Variants in TDRD1 observed in about 807,000 individuals in gnomAD.
TDRD1 encodes the protein tudor domain-containing protein 1.
Under a neutral mutation model 140.6 loss-of-function variants are expected in TDRD1, and 37 were observed. The ratio of observed to expected loss-of-function variants is 0.26; its 90% CI spans 0.20 to 0.35. The LOEUF (loss-of-function observed/expected upper bound fraction) is 0.35, where lower values mean the gene tolerates loss of function less well. Among genes scored for constraint, TDRD1 ranks in the 10% least tolerant of loss-of-function variants. The pLI is 1.00. For missense variants in TDRD1, 1,243 were observed against 1,393.0 expected (o/e 0.89, Z 1.71); for synonymous variants, 506 against 475.7 (o/e 1.06, Z -0.83).
At chr10:114,198,065 C>T (rs1290782282) in intron 3 of TDRD1, among the ~76,000 whole-genome samples, 1 of 152,266 alleles carries the variant, frequency 6.6e-6, no homozygotes, top group East Asian at 1.9e-4. Flanking sequence ...CCCTACTCAG[C>T]CTCTGATATT....
exon 22 of TDRD1, chr10:114,226,158 A>G (rs754260943): frequency 1.5e-5 from 25 of 1,614,112 alleles, no homozygotes; most frequent in East Asian, 2.2e-5. Context: ...GCAGAGTGCA[A>G]CCAATCACCT....
chr10:114,201,501 G>A, exon 5 of TDRD1: 2 of 1,607,200 alleles, frequency 1.2e-6, no homozygotes, highest in South Asian at 1.1e-5. Flanking sequence ...TCGTGTGCAG[G>A]CCTGTTCAGC....
exon 22 of TDRD1, chr10:114,226,094 C>T (rs773142576): frequency 6.2e-7 from 1 of 1,614,000 alleles, no homozygotes; most frequent in Non-Finnish European, 8.5e-7. Flanking sequence ...ACATCAGACA[C>T]TGATGTGGAA....
intron 16 of TDRD1, among the ~76,000 whole-genome samples, chr10:114,216,134 A>T (rs1359743353): frequency 6.6e-6 from 1 of 152,242 alleles, no homozygotes; most frequent in Non-Finnish European, 1.5e-5. Context: ...TGTAGTTAGC[A>T]TGTGATCGTG....
At chr10:114,187,973 C>T (rs1199985160) in exon 2 of TDRD1, 1 of 1,614,116 alleles carries the variant, frequency 6.2e-7, no homozygotes, top group Non-Finnish European at 8.5e-7. Flanking sequence ...TGGAACACTT[C>T]CTAACCACCC....
intron 11 of TDRD1, among the ~76,000 whole-genome samples, chr10:114,206,854 G>A (rs1393460215): frequency 6.6e-6 from 1 of 152,100 alleles, no homozygotes; most frequent in East Asian, 1.9e-4. Context: ...ACCTGAGAGT[G>A]ATTCGCCCGC....
chr10:114,211,052 CTT>C lies in TDRD1; in HGVS notation c.1660+87_1660+88del, dbSNP rs374020291. 18 of 1,095,502 alleles carry C rather than the reference CTT, an allele frequency of 1.6e-5. No individual in the cohort carries two copies. The African/African-American group carries it at 2.4e-4, about 14-fold the overall frequency. The allele number at this position is 1,095,502 out of a possible 1,614,324, so 67.9% of individuals were successfully genotyped here. Reference sequence around the variant, plus strand: ...TGAGTAAAAACCATTGAAACAGAGTCTTTGGTTTGCACTGATGGCTGGATTTA... The same window carrying C: ...TGAGTAAAAACCATTGAAACAGAGTCTGGTTTGCACTGATGGCTGGATTTA... On this transcript the variant is annotated intron_variant, in intron 13 of 25. Transcript: ENST00000251864.
At chr10:114,194,769 T>C (rs1258956796) in intron 3 of TDRD1, among the ~76,000 whole-genome samples, 2 of 150,796 alleles carry the variant, frequency 1.3e-5, no homozygotes, top group South Asian at 4.2e-4. Context: ...TTTTTTTTTT[T>C]TTTTTATTAG....
chr10:114,204,048 G>C, intron 8 of TDRD1, 25 bp from the exon 9 acceptor site: 4 of 1,586,330 alleles, frequency 2.5e-6, no homozygotes, highest in South Asian at 1.2e-5. Context: ...TTATGAAGCA[G>C]AGTACCATTA....
intron 3 of TDRD1, among the ~76,000 whole-genome samples, chr10:114,198,050 A>G (rs1219762808): frequency 6.6e-6 from 1 of 152,148 alleles, no homozygotes; most frequent in Non-Finnish European, 1.5e-5. Flanking sequence ...GTATATGTCC[A>G]GGTTCCCTAC....
intron 17 of TDRD1, among the ~76,000 whole-genome samples, chr10:114,218,209 A>G (rs945547007): frequency 1.3e-5 from 2 of 152,240 alleles, no homozygotes; most frequent in Admixed American, 6.5e-5. Context: ...ATGGCACTAT[A>G]CATTTTGGAG....
chr10:114,220,917 C>T (rs1025013283), intron 19 of TDRD1, 74 bp downstream of exon 19: 10 of 1,028,570 alleles, frequency 9.7e-6, no homozygotes, highest in South Asian at 6.2e-5. Context: ...AATTTTCCAT[C>T]ATAAATGACA....
chr10:114,230,122 C>T lies in TDRD1; in HGVS notation c.3539-1364C>T, dbSNP rs185804339. Among the ~76,000 whole-genome samples, 188 of 152,318 alleles carry T rather than the reference C, an allele frequency of 1.2e-3. 1 individual carries two copies. The highest frequency in any genetic ancestry group is 4.3e-3 in the African/African-American group (180 of 41,556). On this transcript the variant is annotated intron_variant, in intron 25 of 25. Transcript: ENST00000251864. ...CTGGGATTACAGGCGTGAGCCACTG[C>T]GCCCGGCCACCAAGTCATTACATTT...
chr10:114,221,082 T>G (rs1025044408), intron 19 of TDRD1, among the ~76,000 whole-genome samples: 1 of 152,214 alleles, frequency 6.6e-6, no homozygotes, highest in African/African-American at 2.4e-5. Context: ...GTAAGAATTA[T>G]ATTAAATATT....
At chr10:114,214,762 G>A (rs2035707189) in intron 16 of TDRD1, among the ~76,000 whole-genome samples, 1 of 149,954 alleles carries the variant, frequency 6.7e-6, no homozygotes, top group African/African-American at 2.5e-5. Flanking sequence ...CATTGAGATG[G>A]AGTCTCGCTC....
At chr10:114,182,037 T>C (rs969615756) in intron 1 of TDRD1, among the ~76,000 whole-genome samples, 2 of 152,156 alleles carry the variant, frequency 1.3e-5, no homozygotes, top group Non-Finnish European at 2.9e-5. Context: ...TTTATCTGGA[T>C]TCACAGTAGT....
chr10:114,197,761 G>C (rs1318850381), intron 3 of TDRD1, among the ~76,000 whole-genome samples: 1 of 151,666 alleles, frequency 6.6e-6, no homozygotes, highest in Non-Finnish European at 1.5e-5. Context: ...GGGTTCAAGC[G>C]ATCCTTGTGC....
chr10:114,199,935 T>C (rs978784020), intron 4 of TDRD1, among the ~76,000 whole-genome samples: 2 of 152,224 alleles, frequency 1.3e-5, no homozygotes, highest in Non-Finnish European at 2.9e-5. Context: ...AGTGTTCGTG[T>C]GGACATATGT....
intron 18 of TDRD1, 40 bp from the exon 19 acceptor site, chr10:114,220,528 T>C: frequency 6.6e-7 from 1 of 1,526,648 alleles, no homozygotes; most frequent in Non-Finnish European, 9.0e-7. Flanking sequence ...AAATGAAACT[T>C]GTTCATAGGA....
Sources: allele counts gnomAD v4.1 joint callset (sites outside exome capture counted in the v4.1 genomes callset), GRCh38; gene constraint gnomAD v4.1.1; transcripts MANE v1.5; gene names NCBI Gene and HGNC (gene_info 2026-07-23, HGNC 2026-07-21).